Variants in PCLO observed in about 807,000 individuals in gnomAD.
PCLO encodes protein piccolo.
Under a neutral mutation model 427.5 loss-of-function variants are expected in PCLO, and 82 were observed. That is an observed-to-expected ratio of 0.19 (90% CI 0.16 to 0.23). PCLO has a LOEUF of 0.23. Among genes scored for constraint, PCLO ranks in the 10% least tolerant of loss-of-function variants. The pLI is 1.00. For missense variants in PCLO, 6,239 were observed against 6,115.9 expected (o/e 1.02, Z -0.67); for synonymous variants, 2,357 against 2,155.4 (o/e 1.09, Z -2.59).
At chr7:83,025,162 C>T (rs1291320509) in intron 3 of PCLO, among the ~76,000 whole-genome samples, 3 of 151,914 alleles carry the variant, frequency 2.0e-5, no homozygotes, top group South Asian at 2.1e-4. Flanking sequence ...CTCTGAGCTA[C>T]GGGAGGATAT....
rs1247991302 is a variant in PCLO at position 82,838,276 on chromosome 7, G to A, written c.14164C>T (p.Arg4722Ter). Reference sequence around the variant, plus strand: ...GGGTCAGAATAACCATTGTTGTCTCGAGGAACAAGATTTCTTGCTTGGAGA... The same window carrying A: ...GGGTCAGAATAACCATTGTTGTCTCAAGGAACAAGATTTCTTGCTTGGAGA... ...HILQARNLVP[R>*]DNNGYSDPFV... Residue 4722 changes from arginine to a stop codon, truncating the protein, a stop_gained, in exon 15 of 25, where the codon CGA (arginine) becomes TGA (stop). Transcript: ENST00000333891. LOFTEE classifies it high-confidence loss of function. 6.3e-7 allele frequency: 1 copy of A among 1,581,924 alleles called. No homozygotes were observed. The highest frequency in any genetic ancestry group is 1.1e-5 in the South Asian group (1 of 88,236).
chr7:83,093,378 A>G (rs1374838908), intron 3 of PCLO, among the ~76,000 whole-genome samples: 1 of 150,764 alleles, frequency 6.6e-6, no homozygotes, highest in Non-Finnish European at 1.5e-5. Flanking sequence ...GCCTAGATCA[A>G]TTAATACAAT....
chr7:83,053,128 C>T (rs35381206), intron 3 of PCLO, among the ~76,000 whole-genome samples: 40,092 of 151,806 alleles, frequency 0.26, 5,619 homozygotes, highest in Middle Eastern at 0.35. Context: ...TGTTAGCCCA[C>T]TTGAAATTTA....
At chr7:82,971,452 T>C (rs1795901935) in intron 3 of PCLO, among the ~76,000 whole-genome samples, 1 of 150,240 alleles carries the variant, frequency 6.7e-6, no homozygotes, top group South Asian at 2.1e-4. Context: ...ACATCTGTAA[T>C]ACACACACAT....
chr7:82,867,375 A>G (rs1327933404), intron 10 of PCLO, among the ~76,000 whole-genome samples: 1 of 152,208 alleles, frequency 6.6e-6, no homozygotes, highest in African/African-American at 2.4e-5. Flanking sequence ...CCAGTTATCC[A>G]GCTAAGAACA....
chr7:83,146,133 CAA>C (rs1389807959), intron 2 of PCLO, among the ~76,000 whole-genome samples: 1 of 152,184 alleles, frequency 6.6e-6, no homozygotes, highest in African/African-American at 2.4e-5. Context: ...TTCCCTGTGA[CAA>C]GAGACCAAAC....
chr7:83,053,192 C>G (rs888900350), intron 3 of PCLO, among the ~76,000 whole-genome samples: 1 of 151,922 alleles, frequency 6.6e-6, no homozygotes, highest in Non-Finnish European at 1.5e-5. Flanking sequence ...CACATCCCAT[C>G]TCCTTTTTTC....
At chr7:82,859,090 T>C (rs1484915878) in intron 10 of PCLO, among the ~76,000 whole-genome samples, 2 of 152,230 alleles carry the variant, frequency 1.3e-5, no homozygotes, top group South Asian at 2.1e-4. Flanking sequence ...TGCAATACAA[T>C]AGAACACCAG....
At chr7:83,093,285 A>G (rs1790428289) in intron 3 of PCLO, among the ~76,000 whole-genome samples, 1 of 151,488 alleles carries the variant, frequency 6.6e-6, no homozygotes, top group Non-Finnish European at 1.5e-5. Context: ...AATACCATTT[A>G]TCTAACAAAG....
At position 83,134,660 on chromosome 7, in the gene PCLO, T is replaced by C. The variant is rs371277827; in HGVS notation, c.2890A>G (p.Met964Val). The C allele has an allele frequency of 4.3e-5, 69 of 1,613,758 alleles. No homozygotes were observed. Among genetic ancestry groups the C allele is most frequent in the South Asian group, 1.6e-4 (15 of 91,086 alleles). ...PHSQSGPGAP[M>V]KQAPAPSQPP... Reference sequence around the variant, plus strand: ...TGTGAAGGGGCAGGGGCTTGTTTCATTGGGGCCCCTGGTCCACTTTGTGAA... The same window carrying C: ...TGTGAAGGGGCAGGGGCTTGTTTCACTGGGGCCCCTGGTCCACTTTGTGAA... The change falls in exon 3 of 25, where the codon ATG becomes GTG. Residue 964 changes from methionine (M) to valine (V), a missense_variant. Met to Val is a conservative substitution (Grantham distance 21, BLOSUM62 1). Coordinates refer to ENST00000333891, the MANE Select transcript of PCLO (RefSeq NM_033026.6).
In PCLO at chr7:82,950,160, A is replaced by C; in HGVS notation, c.10428T>G (p.Asp3476Glu). Reference protein sequence around the residue: ...KSVDTSVQTDDEDQDEWDMPT... With the variant: ...KSVDTSVQTDEEDQDEWDMPT... ...GCATATCCCACTCATCCTGATCTTC[A>C]TCATCAGTTTGGACGCTTGTATCCA... Residue 3476 changes from aspartate (D) to glutamate (E), a missense_variant, in exon 6 of 25, where the codon GAT (aspartate) becomes GAG (glutamate). Coordinates refer to ENST00000333891, the MANE Select transcript of PCLO (RefSeq NM_033026.6). The C allele has an allele frequency of 6.2e-7, 1 of 1,610,630 alleles. No homozygotes were observed. Among genetic ancestry groups the C allele is most frequent in the Non-Finnish European group, 8.5e-7 (1 of 1,179,322 alleles).
intron 10 of PCLO, among the ~76,000 whole-genome samples, chr7:82,875,175 T>C (rs1793339729): frequency 6.6e-6 from 1 of 152,176 alleles, no homozygotes; most frequent in Non-Finnish European, 1.5e-5. Flanking sequence ...CTTCAAGTAC[T>C]TGATTCTCTG....
At chr7:82,771,690 T>C (rs1391002727) in intron 22 of PCLO, among the ~76,000 whole-genome samples, 3 of 152,088 alleles carry the variant, frequency 2.0e-5, no homozygotes, top group African/African-American at 4.8e-5. Context: ...CCCAGGATTA[T>C]TGGCAAAATT....
At chr7:82,951,525 A>G (rs1340160533) in intron 5 of PCLO, 35 bp from the exon 6 acceptor site, 1 of 1,372,710 alleles carries the variant, frequency 7.3e-7, no homozygotes, top group South Asian at 1.3e-5. Context: ...TCCAGTTCCC[A>G]GAATGAATGA....
chr7:82,947,026 T>G, intron 6 of PCLO, among the ~76,000 whole-genome samples: 1 of 152,166 alleles, frequency 6.6e-6, no homozygotes, highest in East Asian at 1.9e-4. Flanking sequence ...TCACTTGCCT[T>G]TCTGATTGTA....
chr7:82,938,100 G>C (rs17156866), intron 6 of PCLO, among the ~76,000 whole-genome samples: 4,533 of 151,946 alleles, frequency 0.03, 232 homozygotes, highest in African/African-American at 0.1. Flanking sequence ...ATCATGGGCC[G>C]TGCTAGACAT....
chr7:82,836,177 T>C (rs79982992), intron 15 of PCLO, among the ~76,000 whole-genome samples: 1 of 152,242 alleles, frequency 6.6e-6, no homozygotes, highest in East Asian at 1.9e-4. Context: ...TATCCTGTAA[T>C]AAATAAAAGA....
chr7:82,991,121 C>A (rs1486474794), intron 3 of PCLO, among the ~76,000 whole-genome samples: 2 of 152,064 alleles, frequency 1.3e-5, no homozygotes, highest in African/African-American at 2.4e-5. Flanking sequence ...TTCTTTCTAT[C>A]CAATGGGGAT....
rs746137982 is a variant in PCLO at position 82,956,356 on chromosome 7, C to T, written c.4597G>A (p.Val1533Ile). ...PVPQRKRRTS[V>I]GSSSSDEYKQ... ...TACTCATCACTGCTTGATGAGCCAA[C>T]ACTAGTTCTTCGTTTTCTTTGTGGA... Residue 1533 changes from valine (V) to isoleucine (I), a missense_variant, in exon 5 of 25, where the codon GTT (valine) becomes ATT (isoleucine). Val to Ile is a conservative substitution (Grantham distance 29). Coordinates refer to ENST00000333891, the MANE Select transcript of PCLO (RefSeq NM_033026.6). The T allele has an allele frequency of 3.7e-6, 6 of 1,613,160 alleles. No homozygotes were observed. Among genetic ancestry groups the T allele is most frequent in the East Asian group, 4.5e-5 (2 of 44,882 alleles).
Sources: gnomAD v4.1 joint callset for allele counts (sites outside exome capture counted in the v4.1 genomes callset) on GRCh38, gnomAD v4.1.1 for gene constraint, MANE v1.5 for transcripts, NCBI Gene and HGNC (gene_info 2026-07-23, HGNC 2026-07-21) for gene names.